The following BCL2L13 variants were observed in gnomAD, a reference collection of about 807,000 sequenced individuals.
BCL2L13 encodes BCL2 like 13, also known as bcl-2-like protein 13.
BCL2L13 carries 13 observed loss-of-function variants against 25.8 expected under a neutral mutation model. The observed-to-expected ratio is 0.50, with a 90% CI of 0.33 to 0.80. The LOEUF is 0.80. Ranked by LOEUF, BCL2L13 falls within the 30% of genes least tolerant of loss-of-function variation. The pLI is 0.02. For missense variants in BCL2L13, 504 were observed against 574.9 expected (o/e 0.88, Z 1.26); for synonymous variants, 244 against 230.3 (o/e 1.06, Z -0.54).
chr22:17,693,057 G>A (rs1255599671), intron 4 of BCL2L13, among the ~76,000 whole-genome samples: 1 of 152,004 alleles, frequency 6.6e-6, no homozygotes, highest in African/African-American at 2.4e-5. Flanking sequence ...ACTTGAAATG[G>A]GAGTAGTATA....
chr22:17,721,519 T>C (rs868547603), intron 6 of BCL2L13, among the ~76,000 whole-genome samples: 8 of 132,520 alleles, frequency 6.0e-5, no homozygotes, highest in African/African-American at 1.4e-4. Context: ...ATGACACTTA[T>C]AAGAAATTTT....
chr22:17,717,342 T>G (rs1418968399), intron 6 of BCL2L13, among the ~76,000 whole-genome samples: 1 of 127,804 alleles, frequency 7.8e-6, no homozygotes, highest in African/African-American at 3.3e-5. Context: ...CCAGGTGTGG[T>G]GGCAGGCAGC....
chr22:17,721,451 GC>G (rs1055983077), intron 6 of BCL2L13, among the ~76,000 whole-genome samples: 62 of 151,122 alleles, frequency 4.1e-4, no homozygotes, highest in African/African-American at 1.4e-3. Context: ...GAGGGCTTCA[GC>G]GTGGTTAAAA....
At chr22:17,726,447 G>A (rs980179165) in intron 6 of BCL2L13, among the ~76,000 whole-genome samples, 2 of 151,762 alleles carry the variant, frequency 1.3e-5, no homozygotes, top group African/African-American at 4.8e-5. Flanking sequence ...TACACTGAAT[G>A]TATATTAACT....
intron 2 of BCL2L13, among the ~76,000 whole-genome samples, chr22:17,667,705 T>TA (rs1193629384): frequency 2.1e-5 from 3 of 145,948 alleles, no homozygotes; most frequent in African/African-American, 7.6e-5. Flanking sequence ...GACGGAGTTT[T>TA]ACCATGTTGG....
At chr22:17,651,241 A>G (rs1387091682) in intron 1 of BCL2L13, among the ~76,000 whole-genome samples, 2 of 149,312 alleles carry the variant, frequency 1.3e-5, no homozygotes, top group Non-Finnish European at 3.0e-5. Flanking sequence ...CTCGTGATCT[A>G]CCCGCCTTGG....
chr22:17,636,880 T>C (rs2146357601), upstream of BCL2L13, among the ~76,000 whole-genome samples: 1 of 152,306 alleles, frequency 6.6e-6, no homozygotes, highest in South Asian at 2.1e-4. Flanking sequence ...ATGTACCAAA[T>C]TGGTAACATA....
intron 2 of BCL2L13, among the ~76,000 whole-genome samples, chr22:17,670,005 AC>A (rs1200203596): frequency 2.0e-5 from 3 of 152,202 alleles, no homozygotes; most frequent in Non-Finnish European, 2.9e-5. Context: ...TTGTCTCAGC[AC>A]CATTTGTTGA....
chr22:17,638,660 T>C, upstream of BCL2L13: 1 of 1,231,366 alleles, frequency 8.1e-7, no homozygotes. Flanking sequence ...GGGGCCTCCG[T>C]TGGTCGGTCC....
chr22:17,652,410 C>G (rs1418092975), intron 1 of BCL2L13, among the ~76,000 whole-genome samples: 2 of 152,076 alleles, frequency 1.3e-5, no homozygotes, highest in African/African-American at 4.8e-5. Flanking sequence ...AATATAACAA[C>G]TATTTTATGT....
At chr22:17,689,224 G>A in intron 4 of BCL2L13, 82 bp downstream of exon 4, 1 of 1,235,938 alleles carries the variant, frequency 8.1e-7, no homozygotes, top group African/African-American at 1.5e-5. Context: ...TTAGGGCTGT[G>A]TTTTAGGTGA....
At chr22:17,684,558 T>TGTG (rs546831950) in intron 3 of BCL2L13, 71 of 453,432 alleles carry the variant, frequency 1.6e-4, no homozygotes, top group African/African-American at 1.3e-3. Flanking sequence ...TAGTTCACTA[T>TGTG]GTGGTGGTGG....
intron 6 of BCL2L13, among the ~76,000 whole-genome samples, chr22:17,704,894 T>C (rs1407320331): frequency 6.6e-6 from 1 of 151,918 alleles, no homozygotes; most frequent in East Asian, 1.9e-4. Flanking sequence ...TACTAAAATA[T>C]CATGAATTTT....
chr22:17,698,555 TTAAAAAAAAAAA>T lies in BCL2L13; in HGVS notation c.456+2346_456+2357del, dbSNP rs934369590. Reference sequence around the variant, plus strand: ...GGGCAACATAGCAAGACCCTGTCTCTTAAAAAAAAAAAAAAAAAAAAAGCCATACATGGTGGT... The same window carrying T: ...GGGCAACATAGCAAGACCCTGTCTCTAAAAAAAAAAGCCATACATGGTGGT... On this transcript the variant is annotated intron_variant, in intron 5 of 6. Coordinates refer to ENST00000317582, the MANE Select transcript of BCL2L13 (RefSeq NM_015367.4). Among the ~76,000 whole-genome samples, 18 of 97,754 alleles carry T rather than the reference TTAAAAAAAAAAA, an allele frequency of 1.8e-4. 1 individual carries two copies. The highest frequency in any genetic ancestry group is 2.2e-4 in the Non-Finnish European group (12 of 53,388). The allele number at this position is 97,754 out of a possible 152,430, so 64.1% of individuals were successfully genotyped here.
intron 2 of BCL2L13, among the ~76,000 whole-genome samples, chr22:17,656,444 C>T (rs1261295414): frequency 8.1e-5 from 11 of 136,538 alleles, no homozygotes; most frequent in East Asian, 4.7e-4. Flanking sequence ...TCCACCTTCC[C>T]GGTTCAAGCG....
intron 1 of BCL2L13, among the ~76,000 whole-genome samples, chr22:17,641,989 C>T (rs370897178): frequency 6.6e-6 from 1 of 151,438 alleles, no homozygotes; most frequent in Non-Finnish European, 1.5e-5. Context: ...TTAGTAAAGA[C>T]GGGGTTTCAC....
chr22:17,726,433 G>C (rs140324030), intron 6 of BCL2L13, among the ~76,000 whole-genome samples: 112 of 151,564 alleles, frequency 7.4e-4, no homozygotes, highest in Middle Eastern at 3.5e-3. Context: ...GCCTGTGTGT[G>C]AATTACACTG....
At chr22:17,691,608 T>C (rs1456701538) in intron 4 of BCL2L13, among the ~76,000 whole-genome samples, 1 of 151,996 alleles carries the variant, frequency 6.6e-6, no homozygotes, top group Non-Finnish European at 1.5e-5. Flanking sequence ...ATTGCACCAC[T>C]GCACTCCAGC....
At position 17,638,838 on chromosome 22, in the gene BCL2L13, C is replaced by G. The variant is rs1601447038; in HGVS notation, c.-99C>G. The stretch of plus-strand genomic sequence containing the variant: ...CGCTGGGGGACCCTGTCGGAAGCAA[C>G]TGCCGCCGCCGCCTCTTTCATCTCT... On this transcript the variant is annotated 5_prime_UTR_variant, in exon 1 of 7. Transcript: ENST00000317582. The G allele has an allele frequency of 3.2e-6, 4 of 1,232,038 alleles. No homozygotes were observed. Among genetic ancestry groups the G allele is most frequent in the Admixed American group, 4.2e-5 (1 of 23,704 alleles). 76.3% of individuals were successfully genotyped at this position (1,232,038 alleles called of 1,614,324 possible). A position where few individuals can be genotyped will look rare whatever the true frequency, so the allele number is the denominator to read the frequency against.
Sources: gnomAD v4.1 joint callset for allele counts (sites outside exome capture counted in the v4.1 genomes callset) on GRCh38, gnomAD v4.1.1 for gene constraint, MANE v1.5 for transcripts, NCBI Gene and HGNC (gene_info 2026-07-23, HGNC 2026-07-21) for gene names.